The following IPO7 variants were observed in gnomAD, a reference collection of about 807,000 sequenced individuals.
IPO7 encodes importin-7.
A neutral mutation model predicts 136.4 loss-of-function variants in IPO7; 13 were observed. The observed-to-expected ratio is 0.10, with a 90% CI of 0.06 to 0.15. IPO7 has a LOEUF of 0.15. Among genes scored for constraint, IPO7 ranks in the 10% least tolerant of loss-of-function variants. The probability of loss-of-function intolerance (pLI) is 1.00; values close to 1 mark genes in which losing one functional copy is unlikely to be tolerated. For missense variants in IPO7, 857 were observed against 1,240.6 expected (o/e 0.69, Z 4.65); for synonymous variants, 403 against 404.4 (o/e 1.00, Z 0.04).
At position 9,409,943 on chromosome 11, in the gene IPO7, A is replaced by T. The variant is rs1318150316; in HGVS notation, c.336A>T (p.Thr112=). 1.9e-6 allele frequency: 3 copies of T among 1,564,750 alleles called. No homozygotes were observed. The highest frequency in any genetic ancestry group is 4.7e-5 in the East Asian group (2 of 42,132). Residue 112 remains threonine (T), a synonymous_variant, in exon 4 of 25, where the codon ACA becomes ACT. Coordinates refer to ENST00000379719, the MANE Select transcript of IPO7 (RefSeq NM_006391.3). The part of the protein sequence containing the change: ...SPELIRVQLT[T]CIHHIIKHDY... ...TGGCTTCCAGGGTACAGCTTACTAC[A>T]TGCATTCATCACATCATCAAACATG...
chr11:9,437,248 A>G (rs1565004091), intron 20 of IPO7, among the ~76,000 whole-genome samples: 1 of 149,194 alleles, frequency 6.7e-6, no homozygotes, highest in Non-Finnish European at 1.5e-5. Flanking sequence ...GCTTTTATTT[A>G]TTTTTTATTT....
chr11:9,442,002 G>T (rs1183039826), intron 23 of IPO7, 79 bp from the exon 24 acceptor site: 6 of 657,050 alleles, frequency 9.1e-6, no homozygotes, highest in African/African-American at 1.8e-5. Context: ...TCGGGATGGA[G>T]TAGGAGGAAT....
intron 17 of IPO7, 27 bp downstream of exon 17, chr11:9,433,663 AT>A: frequency 6.2e-7 from 1 of 1,612,894 alleles, no homozygotes; most frequent in Non-Finnish European, 8.5e-7. Flanking sequence ...TGTGCTAAGA[AT>A]TTAGTGCTAT....
chr11:9,428,148 CT>C (rs1285957928), intron 12 of IPO7, among the ~76,000 whole-genome samples: 3 of 152,046 alleles, frequency 2.0e-5, no homozygotes, highest in African/African-American at 7.3e-5. Flanking sequence ...AAGAGTGTGC[CT>C]TTTTAGATAG....
At position 9,414,081 on chromosome 11, in the gene IPO7, C is replaced by G. The variant is rs549985195; in HGVS notation, c.480-174C>G. Among the ~76,000 whole-genome samples the G allele has an allele frequency of 5.3e-5, 8 of 152,288 alleles. No homozygotes were observed. In the South Asian group the frequency reaches 1.7e-3, roughly 32 times the overall value. On this transcript the variant is annotated intron_variant, in intron 4 of 24. Transcript: ENST00000379719. Reference sequence around the variant, plus strand: ...TTCAGAAAATACTGGATAATCTTTACTCAAGGTTTTATTCAAGATGCTTCC... The same window carrying G: ...TTCAGAAAATACTGGATAATCTTTAGTCAAGGTTTTATTCAAGATGCTTCC...
intron 1 of IPO7, among the ~76,000 whole-genome samples, chr11:9,389,485 A>T (rs769075585): frequency 2.6e-5 from 4 of 152,216 alleles, no homozygotes; most frequent in Non-Finnish European, 5.9e-5. Context: ...GAAATTTATG[A>T]TCACTGCCTT....
chr11:9,407,351 C>T (rs536458046), intron 2 of IPO7, among the ~76,000 whole-genome samples: 10 of 152,220 alleles, frequency 6.6e-5, no homozygotes, highest in East Asian at 5.8e-4. Context: ...GTCAGGAGAG[C>T]GACACCATCC....
At chr11:9,427,560 G>A (rs947989004) in intron 12 of IPO7, among the ~76,000 whole-genome samples, 7 of 152,106 alleles carry the variant, frequency 4.6e-5, no homozygotes, top group Non-Finnish European at 7.4e-5. Context: ...GCACCCGGCC[G>A]TCTTTCATCT....
At position 9,434,954 on chromosome 11, in the gene IPO7, A is replaced by G; in HGVS notation, c.2095A>G (p.Asn699Asp). 1 of 1,595,112 alleles carries G rather than the reference A, an allele frequency of 6.3e-7. No homozygotes were observed. The change falls in exon 19 of 25, where the codon AAT (asparagine) becomes GAT (aspartate). Residue 699 changes from asparagine (N) to aspartate (D), a missense_variant. Physicochemically the swap from Asn to Asp is conservative, Grantham distance 23 (BLOSUM62 1). This residue lies in a region of IPO7 where 190 missense variants were observed against 249.0 expected (regional missense o/e 0.76). Coordinates refer to ENST00000379719, the MANE Select transcript of IPO7 (RefSeq NM_006391.3). The stretch of plus-strand genomic sequence containing the variant: ...TACAGATATGATGCCCCTCCTTCAT[A>G]ATTATGTAACAGTTGATACAGACAC... ...YFTDMMPLLH[N>D]YVTVDTDTLL... is the part of the protein sequence containing the mutation.
At chr11:9,417,814 G>A (rs576951872) in intron 6 of IPO7, among the ~76,000 whole-genome samples, 2 of 150,766 alleles carry the variant, frequency 1.3e-5, no homozygotes, top group African/African-American at 2.4e-5. Context: ...CCAGGTTCAC[G>A]CGATTCTCAT....
intron 3 of IPO7, 80 bp from the exon 4 acceptor site, chr11:9,409,848 A>C: frequency 9.8e-7 from 1 of 1,022,246 alleles, no homozygotes; most frequent in Non-Finnish European, 1.4e-6. Flanking sequence ...TTTTGTCTAA[A>C]CAGCTATTTT....
chr11:9,409,903 C>T (rs766232113), intron 3 of IPO7, 25 bp from the exon 4 acceptor site: 21 of 1,479,476 alleles, frequency 1.4e-5, no homozygotes, highest in Middle Eastern at 2.0e-4. Flanking sequence ...GGATTTTTTC[C>T]TTACTGTTTT....
chr11:9,441,501 T>C (rs968429357), intron 23 of IPO7, among the ~76,000 whole-genome samples: 2 of 152,218 alleles, frequency 1.3e-5, no homozygotes, highest in Non-Finnish European at 2.9e-5. Context: ...GAATACATTA[T>C]CTGATAACCA....
In IPO7 at chr11:9,419,562, AT is replaced by A. The variant is rs1564998504; in HGVS notation, c.727-848del. On this transcript the variant is annotated intron_variant, in intron 6 of 24. Transcript: ENST00000379719. Reference sequence around the variant, plus strand: ...ACTCTGTCTAAAAAAAAAAAAAAATATATATATATATATATATATATATATG... The same window carrying A: ...ACTCTGTCTAAAAAAAAAAAAAAATAATATATATATATATATATATATATG... Among the ~76,000 whole-genome samples, 238 of 74,634 alleles carry A rather than the reference AT, an allele frequency of 3.2e-3. 3 individuals carry two copies. The highest frequency in any genetic ancestry group is 6.6e-3 in the African/African-American group (173 of 26,112). The allele number at this position is 74,634 out of a possible 152,430, so 49.0% of individuals were successfully genotyped here. A position where few individuals can be genotyped will look rare whatever the true frequency, so the allele number is the denominator to read the frequency against.
intron 1 of IPO7, among the ~76,000 whole-genome samples, chr11:9,386,530 G>A (rs999448066): frequency 2.0e-5 from 3 of 152,034 alleles, no homozygotes; most frequent in Non-Finnish European, 4.4e-5. Flanking sequence ...CTCTAATCGC[G>A]TATTATTTTG....
chr11:9,384,905 C>G, intron 1 of IPO7, 58 bp downstream of exon 1: 1 of 1,400,286 alleles, frequency 7.1e-7, no homozygotes. Flanking sequence ...AGTGGCAGGC[C>G]GAGCCCCCGG....
chr11:9,424,470 C>T (rs1439116672), intron 10 of IPO7, among the ~76,000 whole-genome samples: 1 of 152,028 alleles, frequency 6.6e-6, no homozygotes, highest in Non-Finnish European at 1.5e-5. Context: ...AGGCCAGGTG[C>T]GGTGGCTAAG....
intron 4 of IPO7, among the ~76,000 whole-genome samples, chr11:9,411,076 T>TA (rs1212243276): frequency 3.3e-5 from 5 of 152,212 alleles, no homozygotes; most frequent in Admixed American, 1.3e-4. Flanking sequence ...TTCCAGCTGT[T>TA]ACAGTTCTGG....
intron 1 of IPO7, among the ~76,000 whole-genome samples, chr11:9,388,383 G>A (rs1854581682): frequency 6.6e-6 from 1 of 151,868 alleles, no homozygotes. Flanking sequence ...TACCATGTTG[G>A]CCAGGCTGGT....
Sources: allele counts gnomAD v4.1 joint callset (sites outside exome capture counted in the v4.1 genomes callset), GRCh38; gene constraint gnomAD v4.1.1; regional missense constraint gnomAD v4.1.1; transcripts MANE v1.5; gene names NCBI Gene and HGNC (gene_info 2026-07-23, HGNC 2026-07-21).